The following ATP10B variants were observed in gnomAD, a reference collection of about 807,000 sequenced individuals.
ATP10B encodes the protein ATPase phospholipid transporting 10B (putative).
In ATP10B, 122 loss-of-function variants were observed where a neutral mutation model predicts 141.2. The ratio of observed to expected loss-of-function variants is 0.86; its 90% CI spans 0.75 to 1.00. ATP10B has a LOEUF of 1.00. Ranked by LOEUF, ATP10B falls within the 50% of genes least tolerant of loss-of-function variation. The pLI, the probability that ATP10B is intolerant of heterozygous loss-of-function variation, is 0.00. For missense variants in ATP10B, 1,876 were observed against 1,825.3 expected, an observed-to-expected ratio of 1.03 and a Z score of -0.51; for synonymous variants, 685 against 692.0, an observed-to-expected ratio of 0.99 and a Z score of 0.16.
At chr5:160,810,032 T>C (rs1581574173) in intron 1 of ATP10B, among the ~76,000 whole-genome samples, 1 of 152,202 alleles carries the variant, frequency 6.6e-6, no homozygotes, top group East Asian at 1.9e-4. Context: ...ACATAATATT[T>C]TGGATCTCTT....
chr5:160,770,531 G>A (rs1055382316), intron 2 of ATP10B, among the ~76,000 whole-genome samples: 2 of 152,002 alleles, frequency 1.3e-5, no homozygotes, highest in Non-Finnish European at 2.9e-5. Flanking sequence ...TTTGAAATAT[G>A]GGTAGCTCCC....
chr5:160,790,259 A>G (rs925049462), intron 1 of ATP10B, among the ~76,000 whole-genome samples: 2 of 152,278 alleles, frequency 1.3e-5, no homozygotes, highest in African/African-American at 4.8e-5. Context: ...TCCTATCCTC[A>G]ATTGCAACTT....
chr5:160,831,158 T>C (rs1775052766), intron 1 of ATP10B, among the ~76,000 whole-genome samples: 1 of 152,068 alleles, frequency 6.6e-6, no homozygotes, highest in Non-Finnish European at 1.5e-5. Flanking sequence ...TCTTTATTCA[T>C]TCAATGGAGA....
chr5:160,697,946 T>C (rs1359234173), intron 3 of ATP10B, among the ~76,000 whole-genome samples: 1 of 152,158 alleles, frequency 6.6e-6, no homozygotes, highest in South Asian at 2.1e-4. Flanking sequence ...AGATGAATAT[T>C]TTTTTAACAG....
chr5:160,746,906 G>C lies in ATP10B; in HGVS notation c.-330-29872C>G, dbSNP rs528885420. On this transcript the variant is annotated intron_variant, in intron 2 of 25. Coordinates refer to ENST00000327245, the MANE Select transcript of ATP10B (RefSeq NM_025153.3). The stretch of plus-strand genomic sequence containing the variant: ...ACAGCAAGTGGCAAGACTGGGATTT[G>C]AACCAATGGCTTTATAGCAGTGGTG... Among the ~76,000 whole-genome samples, 3 of 152,276 alleles carry C rather than the reference G, an allele frequency of 2.0e-5. No individual in the cohort carries two copies. The South Asian group carries it at 6.2e-4, about 32-fold the overall frequency.
chr5:160,733,690 CACATATAT>C (rs1274558285), intron 2 of ATP10B, among the ~76,000 whole-genome samples: 2 of 76,342 alleles, frequency 2.6e-5, no homozygotes, highest in African/African-American at 7.5e-5. Flanking sequence ...TATACACACA[CACATATAT>C]ATATATATAT....
At chr5:160,673,204 A>G (rs75079821) in intron 6 of ATP10B, among the ~76,000 whole-genome samples, 514 of 152,316 alleles carry the variant, frequency 3.4e-3, no homozygotes, top group African/African-American at 0.012. Flanking sequence ...GTGAAAGCAC[A>G]TAACAGGTTT....
intron 3 of ATP10B, among the ~76,000 whole-genome samples, chr5:160,707,690 G>T (rs567797570): frequency 6.6e-6 from 1 of 152,164 alleles, no homozygotes; most frequent in Non-Finnish European, 1.5e-5. Context: ...GAGTGGAAGA[G>T]AATCTATAAA....
intron 2 of ATP10B, among the ~76,000 whole-genome samples, chr5:160,784,170 G>T (rs997757895): frequency 6.6e-6 from 1 of 152,090 alleles, no homozygotes; most frequent in African/African-American, 2.4e-5. Flanking sequence ...TCCTATAAAT[G>T]ACCAAATATA....
chr5:160,831,755 A>T (rs1775095580), intron 1 of ATP10B, among the ~76,000 whole-genome samples: 1 of 152,284 alleles, frequency 6.6e-6, no homozygotes, highest in Middle Eastern at 3.4e-3. Flanking sequence ...AGAAACAAAC[A>T]TATAAATTTA....
At chr5:160,654,973 T>C (rs748186014) in intron 7 of ATP10B, among the ~76,000 whole-genome samples, 22 of 152,136 alleles carry the variant, frequency 1.4e-4, no homozygotes, top group Non-Finnish European at 3.1e-4. Context: ...CATCGCTCAC[T>C]CCCTAAGAGT....
chr5:160,856,940 T>C (rs1448939695), upstream of ATP10B, among the ~76,000 whole-genome samples: 1 of 151,824 alleles, frequency 6.6e-6, no homozygotes, highest in Admixed American at 6.6e-5. Context: ...TCATGTATAA[T>C]TTTTTAATTG....
At chr5:160,851,638 G>T (rs930831526) in intron 1 of ATP10B, among the ~76,000 whole-genome samples, 4 of 150,370 alleles carry the variant, frequency 2.7e-5, no homozygotes, top group Non-Finnish European at 4.4e-5. Context: ...CTGGATGAAT[G>T]CAGGATAGCA....
chr5:160,808,000 A>AT (rs2127942465), intron 1 of ATP10B, among the ~76,000 whole-genome samples: 1 of 152,304 alleles, frequency 6.6e-6, no homozygotes, highest in Non-Finnish European at 1.5e-5. Flanking sequence ...AATGAATGCT[A>AT]TCTCTACTAT....
At chr5:160,709,629 T>G (rs1765236930) in intron 3 of ATP10B, among the ~76,000 whole-genome samples, 1 of 146,360 alleles carries the variant, frequency 6.8e-6, no homozygotes, top group African/African-American at 2.5e-5. Context: ...TTTATTATAC[T>G]CTAAGTTTTA....
At chr5:160,771,453 C>G (rs899145394) in intron 2 of ATP10B, among the ~76,000 whole-genome samples, 1 of 152,106 alleles carries the variant, frequency 6.6e-6, no homozygotes, top group African/African-American at 2.4e-5. Context: ...AGAATTACTT[C>G]ATGAGCTGCT....
At chr5:160,811,379 G>A (rs34417654) in intron 1 of ATP10B, among the ~76,000 whole-genome samples, 20,416 of 152,018 alleles carry the variant, frequency 0.13, 1,483 homozygotes, top group African/African-American at 0.17. Context: ...GGGTTCTTGG[G>A]GTCCCTGATT....
At chr5:160,855,621 C>A (rs555316585), upstream of ATP10B, among the ~76,000 whole-genome samples, 3 of 151,724 alleles carry the variant, frequency 2.0e-5, no homozygotes, top group Non-Finnish European at 4.4e-5. Context: ...TTATTTACAT[C>A]AATTTTTAAA....
At chr5:160,841,498 T>C (rs1301917419) in intron 1 of ATP10B, among the ~76,000 whole-genome samples, 1 of 152,140 alleles carries the variant, frequency 6.6e-6, no homozygotes, top group Non-Finnish European at 1.5e-5. Context: ...TGAGCATATG[T>C]TTTTGTATAA....
Sources: allele counts gnomAD v4.1 joint callset (sites outside exome capture counted in the v4.1 genomes callset), GRCh38; gene constraint gnomAD v4.1.1; transcripts MANE v1.5; gene names NCBI Gene and HGNC (gene_info 2026-07-23, HGNC 2026-07-21).